The following IL1RAP variants were observed in gnomAD, a reference collection of about 807,000 sequenced individuals.
IL1RAP encodes interleukin-1 receptor accessory protein.
A neutral mutation model predicts 60.7 loss-of-function variants in IL1RAP; 35 were observed. The observed-to-expected ratio is 0.58, with a 90% CI of 0.44 to 0.76. The LOEUF (loss-of-function observed/expected upper bound fraction) is 0.76. Among genes scored for constraint, IL1RAP ranks in the 30% least tolerant of loss-of-function variants. The pLI, the probability that IL1RAP is intolerant of heterozygous loss-of-function variation, is 0.00. For synonymous variants in IL1RAP, 268 were observed against 250.9 expected, an observed-to-expected ratio of 1.07 and a Z score of -0.64; for missense variants, 572 against 693.9, an observed-to-expected ratio of 0.82 and a Z score of 1.97.
chr3:190,534,162 C>G (rs1170264581), intron 1 of IL1RAP, among the ~76,000 whole-genome samples: 2 of 152,046 alleles, frequency 1.3e-5, no homozygotes, highest in East Asian at 3.9e-4. Context: ...GATACAAAAA[C>G]TGGCAGTGGG....
intron 1 of IL1RAP, among the ~76,000 whole-genome samples, chr3:190,531,023 C>T (rs972070863): frequency 3.9e-5 from 6 of 152,174 alleles, no homozygotes; most frequent in African/African-American, 1.4e-4. Flanking sequence ...CTCAACTTTC[C>T]ATTTCGCTCT....
At chr3:190,656,654 T>C (rs1312692323) in exon 12 of IL1RAP, 7 of 1,110,102 alleles carry the variant, frequency 6.3e-6, no homozygotes, top group South Asian at 1.6e-5. Context: ...CAACCCTCTG[T>C]ATGTCATGAA....
Position 190,562,694 on chromosome 3 carries a change from C to CCACACA in IL1RAP, c.-1-1558_-1-1553dup, listed in dbSNP as rs56393536. 2.0e-3 allele frequency among the ~76,000 whole-genome samples: 297 copies of CCACACA among 146,634 alleles called. 1 individual carries two copies. Among genetic ancestry groups the CCACACA allele is most frequent in the East Asian group, 4.6e-3 (23 of 4,970 alleles). On this transcript the variant is annotated intron_variant, in intron 2 of 11. Coordinates refer to ENST00000447382, the MANE Select transcript of IL1RAP (RefSeq NM_002182.4). Reference sequence around the variant, plus strand: ...TTGCCTGTATCAAAACATATCTCGTCCACACACACACACACACACACACAC... The same window carrying CCACACA: ...TTGCCTGTATCAAAACATATCTCGTCCACACACACACACACACACACACACACACAC...
chr3:190,537,208 T>G lies in IL1RAP; in HGVS notation c.-88-18922T>G, dbSNP rs937310161. 2.7e-5 allele frequency among the ~76,000 whole-genome samples: 4 copies of G among 150,180 alleles called. No individual in the cohort carries two copies. The East Asian group carries it at 9.0e-4, about 34-fold the overall frequency. ...ATTAGATGCTTTACTTTAGATACAT[T>G]TTCTCTTCTTTTTTTTTATTATTAA... is the stretch of plus-strand genomic sequence containing the variant. On this transcript the variant is annotated intron_variant, in intron 1 of 11. Transcript: ENST00000447382.
At chr3:190,616,987 A>AG (rs1259965512) in intron 5 of IL1RAP, among the ~76,000 whole-genome samples, 1 of 152,238 alleles carries the variant, frequency 6.6e-6, no homozygotes, top group African/African-American at 2.4e-5. Context: ...ACTAACAGTC[A>AG]GGGAAAAAAA....
At chr3:190,563,745 T>C (rs1011731949) in intron 2 of IL1RAP, among the ~76,000 whole-genome samples, 1 of 152,314 alleles carries the variant, frequency 6.6e-6, no homozygotes, top group African/African-American at 2.4e-5. Flanking sequence ...TTTCTAGACT[T>C]TCTATGTGTC....
At chr3:190,519,627 G>A (rs1721837972) in intron 1 of IL1RAP, among the ~76,000 whole-genome samples, 1 of 151,868 alleles carries the variant, frequency 6.6e-6, no homozygotes, top group Admixed American at 6.6e-5. Flanking sequence ...CACTACCTCA[G>A]CTTCTGTCTT....
intron 3 of IL1RAP, among the ~76,000 whole-genome samples, chr3:190,570,172 G>T (rs1024052814): frequency 6.6e-6 from 1 of 152,162 alleles, no homozygotes; most frequent in Non-Finnish European, 1.5e-5. Context: ...GGAACAGTGA[G>T]AAAATGGATA....
chr3:190,603,699 C>T (rs979490072), intron 3 of IL1RAP, among the ~76,000 whole-genome samples: 1 of 152,130 alleles, frequency 6.6e-6, no homozygotes, highest in African/African-American at 2.4e-5. Flanking sequence ...TTCTATTGGA[C>T]ATTGCAGATC....
Position 190,527,558 on chromosome 3 carries a change from AG to A in IL1RAP, c.-89+13341del, listed in dbSNP as rs555620696. Among the ~76,000 whole-genome samples, 378 of 152,320 alleles carry A rather than the reference AG, an allele frequency of 2.5e-3. 1 individual carries two copies. The highest frequency in any genetic ancestry group is 8.5e-3 in the African/African-American group (352 of 41,568). The stretch of plus-strand genomic sequence containing the variant: ...GAGGCAAAGGTTGCATGTGGAAGGC[AG>A]GAAGTTTCATTCCAGTTGACAGTTT... On this transcript the variant is annotated intron_variant, in intron 1 of 11. Coordinates refer to ENST00000447382, the MANE Select transcript of IL1RAP (RefSeq NM_002182.4).
intron 9 of IL1RAP, among the ~76,000 whole-genome samples, chr3:190,635,918 A>C (rs1733184646): frequency 6.6e-6 from 1 of 152,162 alleles, no homozygotes; most frequent in East Asian, 1.9e-4. Flanking sequence ...GTGTATATGA[A>C]CTAGTACAAG....
intron 3 of IL1RAP, among the ~76,000 whole-genome samples, chr3:190,573,979 A>T (rs1483887974): frequency 2.6e-5 from 4 of 152,166 alleles, no homozygotes; most frequent in African/African-American, 9.7e-5. Flanking sequence ...AAATTCAAAA[A>T]ATTGAATGAA....
At chr3:190,657,000 C>T (rs551762745) in exon 12 of IL1RAP, 16 of 156,404 alleles carry the variant, frequency 1.0e-4, no homozygotes, top group African/African-American at 3.8e-4. Flanking sequence ...GTATGCATTC[C>T]CAGGGAGCAG....
chr3:190,517,195 G>A (rs1034365680), intron 1 of IL1RAP, among the ~76,000 whole-genome samples: 28 of 152,180 alleles, frequency 1.8e-4, no homozygotes, highest in Admixed American at 4.6e-4. Flanking sequence ...CTACTCTCCT[G>A]TGTTGGATGT....
At chr3:190,617,189 G>T (rs145429953) in intron 5 of IL1RAP, among the ~76,000 whole-genome samples, 73 of 152,088 alleles carry the variant, frequency 4.8e-4, no homozygotes, top group African/African-American at 1.6e-3. Flanking sequence ...GCCTTTTATT[G>T]TGTTTGTTGC....
rs545431257 is a variant in IL1RAP, at chr3:190,564,451, A to C, written c.64+98A>C. On this transcript the variant is annotated intron_variant, in intron 3 of 11. Coordinates refer to ENST00000447382, the MANE Select transcript of IL1RAP (RefSeq NM_002182.4). ...AATGAATTTAAATAAACATAATGTT[A>C]TTCATGTCCATTGTCTTCTGCGGTA... 2.2e-4 allele frequency: 171 copies of C among 793,580 alleles called. No individual in the cohort carries two copies. The South Asian group carries it at 2.3e-3, about 11-fold the overall frequency. 49.2% of individuals were successfully genotyped at this position (793,580 alleles called of 1,614,324 possible). A position where few individuals can be genotyped will look rare whatever the true frequency, so the allele number is the denominator to read the frequency against.
intron 11 of IL1RAP, among the ~76,000 whole-genome samples, chr3:190,648,028 T>A (rs1734159191): frequency 6.6e-6 from 1 of 152,184 alleles, no homozygotes; most frequent in Non-Finnish European, 1.5e-5. Flanking sequence ...ATAATGTGTC[T>A]ACTCCTTGTG....
intron 2 of IL1RAP, among the ~76,000 whole-genome samples, chr3:190,558,472 A>T (rs1180365202): frequency 6.6e-6 from 1 of 152,082 alleles, no homozygotes; most frequent in African/African-American, 2.4e-5. Context: ...TTTTAATTTT[A>T]GTCATTCTGA....
downstream of IL1RAP, among the ~76,000 whole-genome samples, chr3:190,652,734 T>C (rs1207046807): frequency 6.6e-6 from 1 of 152,204 alleles, no homozygotes; most frequent in Admixed American, 6.5e-5. Flanking sequence ...ATTTATTTGA[T>C]AGATTTTCAT....
Sources: gnomAD v4.1 joint callset for allele counts (sites outside exome capture counted in the v4.1 genomes callset) on GRCh38, gnomAD v4.1.1 for gene constraint, MANE v1.5 for transcripts, NCBI Gene and HGNC (gene_info 2026-07-23, HGNC 2026-07-21) for gene names.